The following ARHGEF3 variants were observed in gnomAD, a reference collection of about 807,000 sequenced individuals.
ARHGEF3 encodes the protein Rho guanine nucleotide exchange factor 3.
Under a neutral mutation model 63.2 loss-of-function variants are expected in ARHGEF3, and 28 were observed. That is an observed-to-expected ratio of 0.44 (90% CI 0.33 to 0.61). ARHGEF3 has a LOEUF of 0.61. Ranked by LOEUF, ARHGEF3 falls within the 20% of genes least tolerant of loss-of-function variation. The pLI is 0.03. For missense variants in ARHGEF3, 533 were observed against 659.3 expected (o/e 0.81, Z 2.10); for synonymous variants, 266 against 254.2 (o/e 1.05, Z -0.44).
chr3:56,834,183 G>GT (rs149743066), intron 4 of ARHGEF3, among the ~76,000 whole-genome samples: 2,148 of 152,216 alleles, frequency 0.014, 42 homozygotes, highest in African/African-American at 0.042. Flanking sequence ...GATTACAAGC[G>GT]TAAGCCACCA....
intron 4 of ARHGEF3, among the ~76,000 whole-genome samples, chr3:56,822,211 GA>G (rs1348158496): frequency 6.6e-6 from 1 of 152,140 alleles, no homozygotes; most frequent in Admixed American, 6.5e-5. Context: ...ACCCTTTCAG[GA>G]AAGTATTATC....
intron 2 of ARHGEF3, among the ~76,000 whole-genome samples, chr3:57,015,185 G>A (rs1420281091): frequency 6.6e-6 from 1 of 152,060 alleles, no homozygotes; most frequent in Non-Finnish European, 1.5e-5. Flanking sequence ...GACTGCTTTT[G>A]GCTACAACTG....
At chr3:56,977,405 T>A (rs1701167400) in intron 2 of ARHGEF3, 2 of 434,570 alleles carry the variant, frequency 4.6e-6, no homozygotes, top group Non-Finnish European at 9.3e-6. Flanking sequence ...GCATCAGCAT[T>A]GCCATGCTGC....
chr3:56,945,492 T>G (rs1699440445), intron 3 of ARHGEF3, among the ~76,000 whole-genome samples: 1 of 151,392 alleles, frequency 6.6e-6, no homozygotes, highest in Non-Finnish European at 1.5e-5. Flanking sequence ...GCTTGGAGGG[T>G]CCTACGCCCA....
intron 3 of ARHGEF3, among the ~76,000 whole-genome samples, chr3:56,935,629 ACACT>A: frequency 6.6e-6 from 1 of 152,260 alleles, no homozygotes; most frequent in East Asian, 1.9e-4. Flanking sequence ...AAGAGCTGTA[ACACT>A]CACCACGAAG....
intron 2 of ARHGEF3, among the ~76,000 whole-genome samples, chr3:56,768,862 G>C (rs1006782344): frequency 6.6e-6 from 1 of 152,194 alleles, no homozygotes; most frequent in African/African-American, 2.4e-5. Context: ...AGATGCAAGA[G>C]AAACTGATCA....
Position 56,729,459 on chromosome 3 carries a change from C to A in ARHGEF3, c.1392G>T (p.Glu464Asp). The A allele has an allele frequency of 1.2e-6, 2 of 1,614,176 alleles. No individual in the cohort carries two copies. The highest frequency in any genetic ancestry group is 1.7e-6 in the Non-Finnish European group (2 of 1,180,036). The change falls in exon 10 of 10, where the codon GAG (glutamate) becomes GAT (aspartate). Residue 464 changes from glutamate to aspartate, a missense_variant. By Grantham distance (45) the Glu-to-Asp change is conservative (BLOSUM62 2). Coordinates refer to ENST00000296315, the MANE Select transcript of ARHGEF3 (RefSeq NM_019555.3). Reference protein sequence around the residue: ...AAGQAGVLDSEGSFLNPTTGS... With the variant: ...AAGQAGVLDSDGSFLNPTTGS... ...CGGTGGTGGGATTTAGGAACGATCC[C>A]TCGGAGTCAAGCACCCCAGCTTGCC...
At position 56,732,223 on chromosome 3, in the gene ARHGEF3, G is replaced by A; in HGVS notation, c.1228+15C>T. On this transcript the variant is annotated intron_variant, in intron 9 of 9. Coordinates refer to ENST00000296315, the MANE Select transcript of ARHGEF3 (RefSeq NM_019555.3). Reference sequence around the variant, plus strand: ...CAAAAACATTCAACAGGTCAACCCCGACTGCTATCCATACTTCTCTCATTG... The same window carrying A: ...CAAAAACATTCAACAGGTCAACCCCAACTGCTATCCATACTTCTCTCATTG... The A allele has an allele frequency of 5.0e-6, 8 of 1,613,296 alleles. No homozygotes were observed. Among genetic ancestry groups the A allele is most frequent in the Middle Eastern group, 1.8e-4 (1 of 5,426 alleles).
intron 2 of ARHGEF3, among the ~76,000 whole-genome samples, chr3:56,980,387 G>T (rs765622755): frequency 6.6e-6 from 1 of 152,108 alleles, no homozygotes; most frequent in South Asian, 2.1e-4. Flanking sequence ...TACTGAAAGT[G>T]AAAAAAAGAA....
In ARHGEF3 at chr3:56,832,434, T is replaced by C. The variant is rs2108077467; in HGVS notation, c.192+49858A>G. Among the ~76,000 whole-genome samples, 2 of 152,260 alleles carry C rather than the reference T, an allele frequency of 1.3e-5. 1 individual carries two copies. The highest frequency in any genetic ancestry group is 4.8e-5 in the African/African-American group (2 of 41,548). On this transcript the variant is annotated intron_variant, in intron 4 of 12. Transcript: ENST00000338458. ...AATATACACTCTCCCAGGGCTTTTT[T>C]AATGGATAAAAGAAATAAAACATTA...
At chr3:56,908,398 G>A (rs1288990114) in intron 3 of ARHGEF3, among the ~76,000 whole-genome samples, 1 of 152,140 alleles carries the variant, frequency 6.6e-6, no homozygotes, top group Non-Finnish European at 1.5e-5. Flanking sequence ...CCCCATCTCC[G>A]CGTCCGTATA....
chr3:56,838,778 A>T (rs2039208555), intron 4 of ARHGEF3, among the ~76,000 whole-genome samples: 2 of 152,262 alleles, frequency 1.3e-5, no homozygotes, highest in South Asian at 4.1e-4. Context: ...TCAACACACT[A>T]TAGCAAAGTA....
At position 56,841,416 on chromosome 3, in the gene ARHGEF3, G is replaced by A. The variant is rs143571636; in HGVS notation, c.192+40876C>T. 2.9e-3 allele frequency among the ~76,000 whole-genome samples: 443 copies of A among 152,214 alleles called. 3 individuals carry two copies. The highest frequency in any genetic ancestry group is 0.01 in the African/African-American group (417 of 41,542). On this transcript the variant is annotated intron_variant, in intron 4 of 12. Coordinates refer to the ARHGEF3 transcript ENST00000338458. ...TGAGATCTTCCATGTCCTCCATTTA[G>A]ACATAACTTACCCAGTTAGTTGCCA...
At chr3:56,775,080 A>C in intron 1 of ARHGEF3, 1 of 1,551,398 alleles carries the variant, frequency 6.4e-7, no homozygotes, top group Non-Finnish European at 8.7e-7. Context: ...GGGCAAAGCC[A>C]AAGTAGCCAA....
chr3:56,867,071 G>C (rs1403611266), intron 4 of ARHGEF3, among the ~76,000 whole-genome samples: 1 of 152,172 alleles, frequency 6.6e-6, no homozygotes, highest in Non-Finnish European at 1.5e-5. Context: ...TCTTCAGGTA[G>C]ACCTTGATTT....
chr3:56,921,582 G>A (rs1245498246), intron 3 of ARHGEF3, among the ~76,000 whole-genome samples: 1 of 152,196 alleles, frequency 6.6e-6, no homozygotes, highest in African/African-American at 2.4e-5. Context: ...TGGAAGGGTG[G>A]TTAATCCAAG....
At chr3:56,863,094 A>C (rs753524300) in intron 4 of ARHGEF3, among the ~76,000 whole-genome samples, 2 of 152,158 alleles carry the variant, frequency 1.3e-5, no homozygotes, top group Non-Finnish European at 2.9e-5. Flanking sequence ...TTGTGTAAGC[A>C]AACTCAGATA....
chr3:57,068,499 G>A, intron 1 of ARHGEF3, among the ~76,000 whole-genome samples: 1 of 152,100 alleles, frequency 6.6e-6, no homozygotes, highest in East Asian at 1.9e-4. Context: ...AATAATTTCT[G>A]ACTCACAAAG....
chr3:56,903,222 G>A (rs2041580908), intron 3 of ARHGEF3, among the ~76,000 whole-genome samples: 1 of 152,164 alleles, frequency 6.6e-6, no homozygotes, highest in Non-Finnish European at 1.5e-5. Context: ...ATTAAAGCAA[G>A]ATGCCATTTC....
Sources: gnomAD v4.1 joint callset for allele counts (sites outside exome capture counted in the v4.1 genomes callset) on GRCh38, gnomAD v4.1.1 for gene constraint, MANE v1.5 for transcripts, NCBI Gene and HGNC (gene_info 2026-07-23, HGNC 2026-07-21) for gene names.